PSORS1C1: variants seen among roughly 807,000 people sequenced by gnomAD.
PSORS1C1 encodes the protein psoriasis susceptibility 1 candidate gene 1 protein.
PSORS1C1 carries 7 observed loss-of-function variants against 9.4 expected under a neutral mutation model. The observed-to-expected ratio is 0.75, with a 90% CI of 0.42 to 1.40. PSORS1C1 has a LOEUF of 1.40. PSORS1C1 is among the 40% of genes most tolerant of loss of function. The pLI, the probability that PSORS1C1 is intolerant of heterozygous loss-of-function variation, is 0.01. For missense variants in PSORS1C1, 146 were observed against 178.1 expected (o/e 0.82, Z 1.02); for synonymous variants, 63 against 69.4 (o/e 0.91, Z 0.46).
chr6:31,128,931 A>G lies in PSORS1C1; in HGVS notation c.-64-638A>G, dbSNP rs1274877818. On this transcript the variant is annotated intron_variant, in intron 2 of 5. Transcript: ENST00000259881. The surrounding 1 kb of genome is among the most constrained non-coding windows in gnomAD (Gnocchi z 4.3). ...ACTGAAACTGCTTCCTGGGACTGTC[A>G]CCATCACATAGCACCCCACAGAGCA... Among the ~76,000 whole-genome samples, 1 of 152,184 alleles carries G rather than the reference A, an allele frequency of 6.6e-6. No homozygotes were observed.
chr6:31,125,584 G>T (rs368033904), intron 1 of PSORS1C1, 92 bp from the exon 2 acceptor site: 2 of 152,300 alleles, frequency 1.3e-5, no homozygotes, highest in Non-Finnish European at 1.5e-5. Context: ...GCTCCTATGG[G>T]ACTGGCTACA....
At chr6:31,119,535 A>G (rs1451792283) in intron 1 of PSORS1C1, among the ~76,000 whole-genome samples, 1 of 152,150 alleles carries the variant, frequency 6.6e-6, no homozygotes, top group Non-Finnish European at 1.5e-5. Context: ...AACTTCTCTG[A>G]GCCTCAGTGT....
In PSORS1C1 at chr6:31,128,416, T is replaced by C. The variant is rs1772775304; in HGVS notation, c.-64-1153T>C. Among the ~76,000 whole-genome samples, 1 of 152,142 alleles carries C rather than the reference T, an allele frequency of 6.6e-6. No individual in the cohort carries two copies. Among genetic ancestry groups the C allele is most frequent in the African/African-American group, 2.4e-5 (1 of 41,434 alleles). On this transcript the variant is annotated intron_variant, in intron 2 of 5. Coordinates refer to ENST00000259881, the MANE Select transcript of PSORS1C1 (RefSeq NM_014068.3). This position sits in a 1 kb window ranked among gnomAD's most constrained non-coding sequence, Gnocchi z 4.3. Reference sequence around the variant, plus strand: ...ATCCCAAGGTCACATAGAGAACGAATGGCTAAGTAGCGACAAGAACCCAAG... The same window carrying C: ...ATCCCAAGGTCACATAGAGAACGAACGGCTAAGTAGCGACAAGAACCCAAG...
At position 31,128,662 on chromosome 6, in the gene PSORS1C1, G is replaced by T. The variant is rs562222355; in HGVS notation, c.-64-907G>T. 6.6e-6 allele frequency among the ~76,000 whole-genome samples: 1 copy of T among 152,284 alleles called. No individual in the cohort carries two copies. The highest frequency in any genetic ancestry group is 2.1e-4 in the South Asian group (1 of 4,828). On this transcript the variant is annotated intron_variant, in intron 2 of 5. Coordinates refer to ENST00000259881, the MANE Select transcript of PSORS1C1 (RefSeq NM_014068.3). This position sits in a 1 kb window ranked among gnomAD's most constrained non-coding sequence, Gnocchi z 4.3. ...GTTTTGATTCAGTGCCAGGCACCTG[G>T]TGGGCACTTAATTAAAGATTAGCAG... is the stretch of plus-strand genomic sequence containing the variant.
In PSORS1C1 at chr6:31,120,595, A is replaced by G. The variant is rs918315942; in HGVS notation, c.-228-5081A>G. ...AGGAGCGTGGTAATCAGCCCGGTGC[A>G]TCTGCCTACTCAGCAGCAGCAGTGG... On this transcript the variant is annotated intron_variant, in intron 1 of 5. Coordinates refer to ENST00000259881, the MANE Select transcript of PSORS1C1 (RefSeq NM_014068.3). The G allele has an allele frequency of 1.2e-5, 8 of 661,550 alleles. No individual in the cohort carries two copies. In the African/African-American group the frequency reaches 1.4e-4, roughly 12 times the overall value. The allele number at this position is 661,550 out of a possible 1,614,324, so 41.0% of individuals were successfully genotyped here. A position where few individuals can be genotyped will look rare whatever the true frequency, so the allele number is the denominator to read the frequency against.
intron 1 of PSORS1C1, among the ~76,000 whole-genome samples, chr6:31,120,841 G>A (rs916415611): frequency 7.2e-5 from 11 of 152,118 alleles, no homozygotes; most frequent in Non-Finnish European, 1.3e-4. Context: ...ACTCGCAGTC[G>A]TGGGTGTTTC....
intron 1 of PSORS1C1, among the ~76,000 whole-genome samples, chr6:31,125,258 G>C (rs961473175): frequency 2.0e-5 from 3 of 152,030 alleles, no homozygotes; most frequent in South Asian, 2.1e-4. Flanking sequence ...CCCCTCCTTT[G>C]TTCCTCTCTG....
chr6:31,129,751 C>A, intron 3 of PSORS1C1, 106 bp downstream of exon 3: 1 of 724,800 alleles, frequency 1.4e-6, no homozygotes. Flanking sequence ...GGAAGGGATA[C>A]AAAGAAAGAC....
intron 3 of PSORS1C1, chr6:31,137,895 G>A (rs2233954): frequency 0.038 from 29,737 of 778,756 alleles, 1,022 homozygotes; most frequent in East Asian, 0.16. Flanking sequence ...ATCAGAGGGT[G>A]GAGAGGGCGT....
At chr6:31,136,727 G>A (rs1321897716) in intron 3 of PSORS1C1, among the ~76,000 whole-genome samples, 1 of 152,220 alleles carries the variant, frequency 6.6e-6, no homozygotes, top group Non-Finnish European at 1.5e-5. Context: ...GACTTGCATA[G>A]TGACATTTCC....
chr6:31,138,939 A>C lies in PSORS1C1; in HGVS notation c.167+160A>C. On this transcript the variant is annotated intron_variant, in intron 5 of 5. Coordinates refer to ENST00000259881, the MANE Select transcript of PSORS1C1 (RefSeq NM_014068.3). Reference sequence around the variant, plus strand: ...CATCTTGAGTATCCCTCATCACCCCAAACTGCAGTCCCTGCCTCTGTTCCC... The same window carrying C: ...CATCTTGAGTATCCCTCATCACCCCCAACTGCAGTCCCTGCCTCTGTTCCC... 1.9e-6 allele frequency: 3 copies of C among 1,611,984 alleles called. No homozygotes were observed. In the South Asian group the frequency reaches 3.3e-5, roughly 18 times the overall value.
chr6:31,138,732 C>A lies in PSORS1C1; in HGVS notation c.120C>A (p.His40Gln), dbSNP rs1288132906. 1.2e-6 allele frequency: 2 copies of A among 1,612,572 alleles called. No homozygotes were observed. The highest frequency in any genetic ancestry group is 2.7e-5 in the African/African-American group (2 of 74,558). Residue 40 changes from histidine to glutamine, a missense_variant, in exon 5 of 6, where the codon CAC becomes CAA. Physicochemically the swap from His to Gln is conservative, Grantham distance 24. Coordinates refer to ENST00000259881, the MANE Select transcript of PSORS1C1 (RefSeq NM_014068.3). ...GCTCCGAGGAAACTCGTCCCCCCCACGTTAATCCTGACCGACTTTGCCACA... is the reference window on the plus strand; with the variant it reads ...GCTCCGAGGAAACTCGTCCCCCCCAAGTTAATCCTGACCGACTTTGCCACA... The part of the protein sequence containing the change: ...DPSSEETRPP[H>Q]VNPDRLCHME...
rs867136633 is a variant in PSORS1C1, at chr6:31,139,337, A to G, written c.168-304A>G. On this transcript the variant is annotated intron_variant, in intron 5 of 5. Transcript: ENST00000259881. This position sits in a 1 kb window ranked among gnomAD's most constrained non-coding sequence, Gnocchi z 5.2. ...CTGGAGCAGTCAATACCCACTTGGC[A>G]TCTCCGTAATCACAGAGATGTCCAC... The G allele has an allele frequency of 3.4e-6, 2 of 584,118 alleles. No individual in the cohort carries two copies. The highest frequency in any genetic ancestry group is 4.5e-4 in the Middle Eastern group (1 of 2,218). The allele number at this position is 584,118 out of a possible 1,614,324, so 36.2% of individuals were successfully genotyped here. A position where few individuals can be genotyped will look rare whatever the true frequency, so the allele number is the denominator to read the frequency against.
Position 31,139,425 on chromosome 6 carries a change from A to G in PSORS1C1, c.168-216A>G, listed in dbSNP as rs1413091812. 1.0e-5 allele frequency: 6 copies of G among 598,942 alleles called. No individual in the cohort carries two copies. The highest frequency in any genetic ancestry group is 1.8e-5 in the Non-Finnish European group (6 of 337,112). The allele number at this position is 598,942 out of a possible 1,614,324, so 37.1% of individuals were successfully genotyped here. ...AGCAAACCACGCGATGGGCGTTGGGAAGCACCGTAATTACAGGGTTGGGAG... is the reference window on the plus strand; with the variant it reads ...AGCAAACCACGCGATGGGCGTTGGGGAGCACCGTAATTACAGGGTTGGGAG... On this transcript the variant is annotated intron_variant, in intron 5 of 5. Coordinates refer to ENST00000259881, the MANE Select transcript of PSORS1C1 (RefSeq NM_014068.3). This position sits in a 1 kb window ranked among gnomAD's most constrained non-coding sequence, Gnocchi z 5.2.
chr6:31,119,125 C>G (rs1367574332), intron 1 of PSORS1C1, among the ~76,000 whole-genome samples: 1 of 151,962 alleles, frequency 6.6e-6, no homozygotes, highest in Non-Finnish European at 1.5e-5. Flanking sequence ...ATTACAGGCA[C>G]AAGCTATCAT....
intron 1 of PSORS1C1, among the ~76,000 whole-genome samples, chr6:31,122,158 C>T (rs1359469148): frequency 6.6e-6 from 1 of 152,234 alleles, no homozygotes; most frequent in Non-Finnish European, 1.5e-5. Flanking sequence ...TCTGAACTTC[C>T]ATCTCCTCAT....
At chr6:31,116,391 G>T in intron 1 of PSORS1C1, 2 of 1,601,862 alleles carry the variant, frequency 1.2e-6, no homozygotes, top group Middle Eastern at 1.7e-4. Context: ...AGGGTAAACC[G>T]GAGCTGCTGG....
intron 3 of PSORS1C1, among the ~76,000 whole-genome samples, chr6:31,136,390 C>CA (rs11311116): frequency 0.31 from 31,729 of 102,328 alleles, 3,941 homozygotes; most frequent in East Asian, 0.58. Flanking sequence ...TAATACGTCT[C>CA]AAAAAAAAAA....
In PSORS1C1 at chr6:31,134,334, G is replaced by A. The variant is rs113756979; in HGVS notation, c.14-4096G>A. On this transcript the variant is annotated intron_variant, in intron 3 of 5. Transcript: ENST00000259881. Reference sequence around the variant, plus strand: ...GTTTGTTTTTTTGAGATGGAGTCTCGCTCTGTCGCCCAGGCTGGAGTGCAG... The same window carrying A: ...GTTTGTTTTTTTGAGATGGAGTCTCACTCTGTCGCCCAGGCTGGAGTGCAG... Among the ~76,000 whole-genome samples, 402 of 150,750 alleles carry A rather than the reference G, an allele frequency of 2.7e-3. 2 individuals carry two copies. The highest frequency in any genetic ancestry group is 8.1e-3 in the East Asian group (41 of 5,082).
Sources: gnomAD v4.1 joint callset for allele counts (sites outside exome capture counted in the v4.1 genomes callset) on GRCh38, gnomAD v4.1.1 for gene constraint, Gnocchi (gnomAD v3.1) non-coding constraint, MANE v1.5 for transcripts, NCBI Gene and HGNC (gene_info 2026-07-23, HGNC 2026-07-21) for gene names.